The following VTI1A variants were observed in gnomAD, a reference collection of about 807,000 sequenced individuals.
The protein encoded by VTI1A is vesicle transport through interaction with t-SNAREs 1A.
Under a neutral mutation model 34.9 loss-of-function variants are expected in VTI1A, and 22 were observed. The ratio of observed to expected loss-of-function variants is 0.63; its 90% CI spans 0.45 to 0.90. The LOEUF is 0.90. Among genes scored for constraint, VTI1A ranks in the 40% least tolerant of loss-of-function variants. The pLI is 0.00. For synonymous variants in VTI1A, 87 were observed against 97.3 expected (o/e 0.89, Z 0.62); for missense variants, 268 against 275.6 (o/e 0.97, Z 0.20).
chr10:112,502,477 C>T (rs1849279042), intron 3 of VTI1A, among the ~76,000 whole-genome samples: 1 of 152,150 alleles, frequency 6.6e-6, no homozygotes, highest in South Asian at 2.1e-4. Context: ...GACATTAAAT[C>T]AAATAGAATT....
chr10:112,753,976 T>C (rs1215248068), intron 7 of VTI1A, among the ~76,000 whole-genome samples: 1 of 152,138 alleles, frequency 6.6e-6, no homozygotes, highest in African/African-American at 2.4e-5. Context: ...CAGGTCAGGA[T>C]TGTGGAGCCA....
At chr10:112,777,822 G>T (rs769828857) in intron 7 of VTI1A, among the ~76,000 whole-genome samples, 42 of 152,192 alleles carry the variant, frequency 2.8e-4, no homozygotes, top group Non-Finnish European at 8.8e-5. Context: ...GGTGAAAGTG[G>T]CCGGGCACCG....
rs1183957793 is a variant in VTI1A at position 112,646,702 on chromosome 10, G to A, written c.428-21516G>A. On this transcript the variant is annotated intron_variant, in intron 5 of 7. Coordinates refer to ENST00000393077, the MANE Select transcript of VTI1A (RefSeq NM_145206.4). ...TTTTTTGTATTTTTAGTAGAAACGG[G>A]GTTTCACCATGTTAGCCAGGCTGAT... Among the ~76,000 whole-genome samples, 113 of 151,922 alleles carry A rather than the reference G, an allele frequency of 7.4e-4. 1 individual carries two copies. Among genetic ancestry groups the A allele is most frequent in the Non-Finnish European group, 4.4e-5 (3 of 67,990 alleles).
chr10:112,762,995 C>A (rs1230288089), intron 7 of VTI1A, among the ~76,000 whole-genome samples: 1 of 152,140 alleles, frequency 6.6e-6, no homozygotes, highest in South Asian at 2.1e-4. Context: ...TAGCCTCAAC[C>A]CCTACCTTTT....
intron 7 of VTI1A, among the ~76,000 whole-genome samples, chr10:112,772,253 TGA>T (rs1439325694): frequency 6.6e-6 from 1 of 152,240 alleles, no homozygotes; most frequent in Non-Finnish European, 1.5e-5. Flanking sequence ...TCCTAATGGA[TGA>T]GAAGTGGTAT....
chr10:112,531,170 C>T (rs1194482688), intron 4 of VTI1A, among the ~76,000 whole-genome samples: 1 of 151,706 alleles, frequency 6.6e-6, no homozygotes, highest in Non-Finnish European at 1.5e-5. Context: ...ATTTTAGTCA[C>T]AGCAGAAGGC....
chr10:112,519,789 C>T (rs1331747291), intron 3 of VTI1A, among the ~76,000 whole-genome samples: 1 of 151,982 alleles, frequency 6.6e-6, no homozygotes, highest in Admixed American at 6.6e-5. Context: ...CTAGATGAAA[C>T]CTCATGCGAT....
intron 7 of VTI1A, among the ~76,000 whole-genome samples, chr10:112,792,886 G>C (rs1852536558): frequency 6.6e-6 from 1 of 152,212 alleles, no homozygotes; most frequent in Non-Finnish European, 1.5e-5. Context: ...TTACGTCTCA[G>C]TCTTTTCAAA....
chr10:112,656,096 G>A (rs1847218854), intron 5 of VTI1A, among the ~76,000 whole-genome samples: 1 of 152,192 alleles, frequency 6.6e-6, no homozygotes, highest in South Asian at 2.1e-4. Context: ...GTTGTCAATT[G>A]AGAAAAGGTC....
intron 7 of VTI1A, among the ~76,000 whole-genome samples, chr10:112,784,948 T>C (rs1852241164): frequency 6.6e-6 from 1 of 152,200 alleles, no homozygotes; most frequent in Non-Finnish European, 1.5e-5. Context: ...CCTGGAGAGA[T>C]CTCAGGGTTG....
chr10:112,479,639 C>T (rs915558253), intron 3 of VTI1A, among the ~76,000 whole-genome samples: 20 of 152,324 alleles, frequency 1.3e-4, no homozygotes, highest in South Asian at 2.1e-4. Flanking sequence ...CTACCATTAA[C>T]AGTGCAGTTT....
chr10:112,807,243 C>T (rs1289593395), intron 7 of VTI1A, among the ~76,000 whole-genome samples: 2 of 152,098 alleles, frequency 1.3e-5, no homozygotes, highest in East Asian at 1.9e-4. Context: ...GGTCTGGATC[C>T]GAGCACTCAG....
At chr10:112,594,562 T>A (rs1464181925) in intron 5 of VTI1A, among the ~76,000 whole-genome samples, 1 of 152,032 alleles carries the variant, frequency 6.6e-6, no homozygotes, top group Non-Finnish European at 1.5e-5. Context: ...CATTCACAAT[T>A]GCTTCAAAGA....
rs938138132 is a variant in VTI1A at position 112,671,553 on chromosome 10, A to T, written c.560+2555A>T. Among the ~76,000 whole-genome samples the T allele has an allele frequency of 2.0e-5, 3 of 152,322 alleles. No homozygotes were observed. In the East Asian group the frequency reaches 5.8e-4, roughly 29 times the overall value. ...AGAAAGATTGCAGGTTATTTTTAAA[A>T]TTTTTTAAACCTTGATTGTTCTTAA... On this transcript the variant is annotated intron_variant, in intron 7 of 7. Coordinates refer to ENST00000393077, the MANE Select transcript of VTI1A (RefSeq NM_145206.4).
At chr10:112,844,839 AGTT>A in the VTI1A span, among the ~76,000 whole-genome samples, 6 of 152,104 alleles carry the variant, frequency 3.9e-5, no homozygotes, top group Middle Eastern at 6.4e-3. Flanking sequence ...TGCTGCTTTG[AGTT>A]GTTGTTTTTA....
chr10:112,790,122 T>C (rs556506795), intron 7 of VTI1A, among the ~76,000 whole-genome samples: 1 of 152,344 alleles, frequency 6.6e-6, no homozygotes, highest in Non-Finnish European at 1.5e-5. Flanking sequence ...TTTTTTCTTT[T>C]CCTCAAGTCT....
intron 1 of VTI1A, among the ~76,000 whole-genome samples, chr10:112,454,153 A>G (rs971071151): frequency 6.6e-6 from 1 of 152,200 alleles, no homozygotes; most frequent in African/African-American, 2.4e-5. Flanking sequence ...TTCTAAGTAC[A>G]TACATAATTT....
chr10:112,601,477 A>G (rs1282509567), intron 5 of VTI1A, among the ~76,000 whole-genome samples: 5 of 150,126 alleles, frequency 3.3e-5, no homozygotes, highest in African/African-American at 1.2e-4. Context: ...TCTTTTGTAA[A>G]TGTGTCTGGT....
At chr10:112,666,090 A>T (rs1220005622) in intron 5 of VTI1A, among the ~76,000 whole-genome samples, 1 of 152,176 alleles carries the variant, frequency 6.6e-6, no homozygotes, top group Non-Finnish European at 1.5e-5. Context: ...AAATTTGAAT[A>T]TTGTTGTGCA....
Sources: allele counts gnomAD v4.1 joint callset (sites outside exome capture counted in the v4.1 genomes callset), GRCh38; gene constraint gnomAD v4.1.1; transcripts MANE v1.5; gene names NCBI Gene and HGNC (gene_info 2026-07-23, HGNC 2026-07-21).